Variants in ICMT observed in about 807,000 individuals in gnomAD.
ICMT encodes isoprenylcysteine carboxyl methyltransferase, also known as protein-S-isoprenylcysteine O-methyltransferase.
In ICMT, 10 loss-of-function variants were observed where a neutral mutation model predicts 32.2. The ratio of observed to expected loss-of-function variants is 0.31; its 90% CI spans 0.19 to 0.53. The LOEUF is 0.53. Among genes scored for constraint, ICMT ranks in the 20% least tolerant of loss-of-function variants. The pLI is 0.96. For synonymous variants in ICMT, 183 were observed against 158.2 expected (o/e 1.16, Z -1.18); for missense variants, 265 against 356.9 (o/e 0.74, Z 2.07).
intron 4 of ICMT, among the ~76,000 whole-genome samples, chr1:6,231,108 T>G (rs1242447428): frequency 1.3e-5 from 2 of 151,242 alleles, no homozygotes; most frequent in South Asian, 2.1e-4. Flanking sequence ...GAGGCAGAGG[T>G]TGCAGTGAAC....
At position 6,232,136 on chromosome 1, in the gene ICMT, TCAA is replaced by T; in HGVS notation, c.455-20_455-18del. On this transcript the variant is annotated intron_variant, in intron 3 of 4. Coordinates refer to ENST00000343813, the MANE Select transcript of ICMT (RefSeq NM_012405.4). ...GCTTCAGTTCTGTGGGAGAGAGACATCAACGACACACGGGGAGTGAAAACACTG... is the reference window on the plus strand; with the variant it reads ...GCTTCAGTTCTGTGGGAGAGAGACATCGACACACGGGGAGTGAAAACACTG... 8 of 1,596,880 alleles carry T rather than the reference TCAA, an allele frequency of 5.0e-6. No individual in the cohort carries two copies. The highest frequency in any genetic ancestry group is 6.9e-6 in the Non-Finnish European group (8 of 1,165,754).
At chr1:6,225,908 G>A (rs1204347060) in intron 4 of ICMT, among the ~76,000 whole-genome samples, 1 of 151,632 alleles carries the variant, frequency 6.6e-6, no homozygotes, top group Non-Finnish European at 1.5e-5. Flanking sequence ...CACGTGGAGT[G>A]CAGTGGCGTG....
At chr1:6,229,402 C>T (rs925582987) in intron 4 of ICMT, among the ~76,000 whole-genome samples, 2 of 152,044 alleles carry the variant, frequency 1.3e-5, no homozygotes, top group South Asian at 4.1e-4. Context: ...CGCTTGAACC[C>T]GGGAGGCAGA....
Position 6,231,911 on chromosome 1 carries a change from A to AATACTCC in ICMT, c.656_662dup (p.Ile221MetfsTer11). Reference sequence around the variant, plus strand: ...ATATTTAATATTATACCTGAGTTCCAATACTCCAGTAAAACCACCCGACGT... The same window carrying AATACTCC: ...ATATTTAATATTATACCTGAGTTCCAATACTCCATACTCCAGTAAAACCACCCGACGT... On this transcript the variant is annotated frameshift_variant, in exon 4 of 5. Transcript: ENST00000343813. LOFTEE classifies it high-confidence loss of function. 1 of 1,579,768 alleles carries AATACTCC rather than the reference A, an allele frequency of 6.3e-7. No homozygotes were observed. Among genetic ancestry groups the AATACTCC allele is most frequent in the Non-Finnish European group, 8.7e-7 (1 of 1,155,850 alleles).
At position 6,229,783 on chromosome 1, in the gene ICMT, T is replaced by TACACAC. The variant is rs34741419; in HGVS notation, c.672+2113_672+2118dup. Among the ~76,000 whole-genome samples the TACACAC allele has an allele frequency of 5.9e-3, 861 of 146,680 alleles. 9 individuals are homozygous for TACACAC. Among genetic ancestry groups the TACACAC allele is most frequent in the African/African-American group, 0.02 (768 of 39,250 alleles). On this transcript the variant is annotated intron_variant, in intron 4 of 4. Coordinates refer to ENST00000343813, the MANE Select transcript of ICMT (RefSeq NM_012405.4). ...AAAAACCATACATAAATAAAAAAAATACACACACACACACACACACACACA... is the reference window on the plus strand; with the variant it reads ...AAAAACCATACATAAATAAAAAAAATACACACACACACACACACACACACACACACA...
In ICMT at chr1:6,233,580, G is replaced by A. The variant is rs1340786926; in HGVS notation, c.348C>T (p.Pro116=). 1 of 1,613,826 alleles carries A rather than the reference G, an allele frequency of 6.2e-7. No individual in the cohort carries two copies. Among genetic ancestry groups the A allele is most frequent in the African/African-American group, 1.3e-5 (1 of 74,906 alleles). The change falls in exon 3 of 5, where the codon CCC becomes CCT. Residue 116 remains proline, a synonymous_variant. Coordinates refer to ENST00000343813, the MANE Select transcript of ICMT (RefSeq NM_012405.4). ...SEYLVTAVNN[P]KSLSLDSFLL... is the part of the protein sequence containing the mutation. ...GAAAGGAATCCAAGGACAGACTTTT[G>A]GGATTATTGACTGCTGTCACCAAGT...
At chr1:6,226,087 C>G (rs1356327235) in intron 4 of ICMT, among the ~76,000 whole-genome samples, 4 of 152,112 alleles carry the variant, frequency 2.6e-5, no homozygotes, top group Admixed American at 6.6e-5. Context: ...ACTCCTGGCC[C>G]TTTCTTCCAC....
intron 3 of ICMT, among the ~76,000 whole-genome samples, chr1:6,232,915 T>C (rs941270397): frequency 5.9e-5 from 9 of 151,438 alleles, no homozygotes; most frequent in Non-Finnish European, 1.3e-4. Flanking sequence ...TGGAGTGCAG[T>C]GGCGCGATCA....
chr1:6,235,582 T>C, intron 1 of ICMT, 135 bp downstream of exon 1: 1 of 501,574 alleles, frequency 2.0e-6, no homozygotes, highest in Non-Finnish European at 2.8e-6. Flanking sequence ...GGTCCCCTCC[T>C]GCGACCTGAA....
chr1:6,225,972 A>G (rs1470729027), intron 4 of ICMT, among the ~76,000 whole-genome samples: 1 of 151,894 alleles, frequency 6.6e-6, no homozygotes, highest in Non-Finnish European at 1.5e-5. Context: ...CTCCCACCTC[A>G]GCCTCCCAAG....
At chr1:6,226,372 C>A (rs959107371) in intron 4 of ICMT, among the ~76,000 whole-genome samples, 1 of 152,046 alleles carries the variant, frequency 6.6e-6, no homozygotes, top group East Asian at 1.9e-4. Flanking sequence ...CCAGCCTGGG[C>A]GACAGAGCGA....
Position 6,225,171 on chromosome 1 carries a change from A to C in ICMT, c.764T>G (p.Leu255Arg). Residue 255 changes from leucine to arginine, a missense_variant, in exon 5 of 5, where the codon CTA becomes CGA. Physicochemically the swap from Leu to Arg is moderately radical, Grantham distance 102 (BLOSUM62 -2). This residue lies in a region of ICMT where 166 missense variants were observed against 264.3 expected (regional missense o/e 0.63). Coordinates refer to ENST00000343813, the MANE Select transcript of ICMT (RefSeq NM_012405.4). The part of the protein sequence containing the change: ...RDRTEEEEIS[L>R]IHFFGEEYLE... ...GTACTCCTCTCCAAAAAAGTGAATTAGTGAGATTTCTTCTTCTTCTGTTCG... is the reference window on the plus strand; with the variant it reads ...GTACTCCTCTCCAAAAAAGTGAATTCGTGAGATTTCTTCTTCTTCTGTTCG... The C allele has an allele frequency of 6.2e-7, 1 of 1,614,152 alleles. No individual in the cohort carries two copies.
At chr1:6,233,377 GGGA>G in intron 3 of ICMT, 94 bp downstream of exon 3, 1 of 1,127,214 alleles carries the variant, frequency 8.9e-7, no homozygotes, top group Non-Finnish European at 1.3e-6. Flanking sequence ...AATCGCTTGG[GGGA>G]GATTAGACCT....
chr1:6,228,094 G>A (rs1195952927), intron 4 of ICMT, among the ~76,000 whole-genome samples: 1 of 152,198 alleles, frequency 6.6e-6, no homozygotes, highest in Non-Finnish European at 1.5e-5. Flanking sequence ...GAACCCAGGA[G>A]TTTGAGACTA....
chr1:6,235,019 G>A (rs1317974997), intron 1 of ICMT, 45 bp from the exon 2 acceptor site: 1 of 1,495,412 alleles, frequency 6.7e-7, no homozygotes, highest in South Asian at 1.1e-5. Flanking sequence ...AGTCCTCAGA[G>A]TACAGATCTG....
intron 4 of ICMT, among the ~76,000 whole-genome samples, chr1:6,228,765 G>A (rs567479724): frequency 1.3e-5 from 2 of 151,822 alleles, no homozygotes; most frequent in Admixed American, 6.6e-5. Flanking sequence ...AGTGGCTCAC[G>A]CCTGTAATCC....
At position 6,235,725 on chromosome 1, in the gene ICMT, G is replaced by C. The variant is rs1474641970; in HGVS notation, c.187C>G (p.Arg63Gly). 2 of 1,288,718 alleles carry C rather than the reference G, an allele frequency of 1.6e-6. No individual in the cohort carries two copies. Among genetic ancestry groups the C allele is most frequent in the African/African-American group, 1.6e-5 (1 of 63,944 alleles). 79.8% of individuals were successfully genotyped at this position (1,288,718 alleles called of 1,614,324 possible). ...CCCCCGCCGGCCTGCACCTGGTAGC[G>C]AGGCGGCCGATAGAGCAGCAGCAGC... ...ALLLLLYRPPRYQIAIRACFL... is the reference protein window; with the variant it reads ...ALLLLLYRPPGYQIAIRACFL... Residue 63 changes from arginine to glycine, a missense_variant, in exon 1 of 5, where the codon CGC becomes GGC. Arg to Gly is a moderately radical substitution (Grantham distance 125). This residue lies in a region of ICMT where 99 missense variants were observed against 92.6 expected (regional missense o/e 1.07). Coordinates refer to ENST00000343813, the MANE Select transcript of ICMT (RefSeq NM_012405.4).
At chr1:6,231,858 TAAAAA>T (rs59840043) in intron 4 of ICMT, 39 bp downstream of exon 4, 27 of 1,036,832 alleles carry the variant, frequency 2.6e-5, no homozygotes, top group Non-Finnish European at 3.7e-5. Flanking sequence ...AAATGTTACT[TAAAAA>T]AAAAAAAAAG....
At chr1:6,230,060 T>C (rs750907619) in intron 4 of ICMT, among the ~76,000 whole-genome samples, 3 of 151,366 alleles carry the variant, frequency 2.0e-5, no homozygotes, top group South Asian at 2.1e-4. Flanking sequence ...AAGGCCAAGG[T>C]AGGAGGATGG....
Sources: allele counts gnomAD v4.1 joint callset (sites outside exome capture counted in the v4.1 genomes callset), GRCh38; gene constraint gnomAD v4.1.1; regional missense constraint gnomAD v4.1.1; transcripts MANE v1.5; gene names NCBI Gene and HGNC (gene_info 2026-07-23, HGNC 2026-07-21).